EYA4: variants seen among roughly 807,000 people sequenced by gnomAD.
EYA4 encodes EYA transcriptional coactivator and phosphatase 4, also known as protein phosphatase EYA4.
EYA4 carries 31 observed loss-of-function variants against 87.9 expected under a neutral mutation model. That is an observed-to-expected ratio of 0.35 (90% CI 0.27 to 0.48). The LOEUF (loss-of-function observed/expected upper bound fraction) is 0.48. EYA4 is among the 20% of genes least tolerant of loss of function. EYA4 has a pLI of 0.99. For synonymous variants in EYA4, 263 were observed against 270.6 expected, an observed-to-expected ratio of 0.97 and a Z score of 0.28; for missense variants, 678 against 761.4, an observed-to-expected ratio of 0.89 and a Z score of 1.29.
At chr6:133,302,240 A>G (rs1779468306) in intron 2 of EYA4, among the ~76,000 whole-genome samples, 1 of 152,152 alleles carries the variant, frequency 6.6e-6, no homozygotes, top group Non-Finnish European at 1.5e-5. Context: ...TTAAATAAAT[A>G]AATAAACCAA....
At chr6:133,451,499 G>C (rs976840373) in intron 5 of EYA4, among the ~76,000 whole-genome samples, 20 of 152,144 alleles carry the variant, frequency 1.3e-4, no homozygotes, top group African/African-American at 4.8e-4. Flanking sequence ...AAAATACTTA[G>C]ATCTATTGGG....
At chr6:133,419,725 T>A (rs1417274222) in intron 3 of EYA4, among the ~76,000 whole-genome samples, 2 of 152,096 alleles carry the variant, frequency 1.3e-5, no homozygotes, top group African/African-American at 4.8e-5. Context: ...GTCTGTGCAA[T>A]TAAAAAACAG....
rs4454152 is a variant in EYA4, at chr6:133,356,793, A to G, written c.34-25599A>G. On this transcript the variant is annotated intron_variant, in intron 2 of 19. Coordinates refer to ENST00000355286, the MANE Select transcript of EYA4 (RefSeq NM_004100.5). ...TGTGTGTGTGTGTGTGTGTGTGTGT[A>G]TATATATATTTTATTTTTATTTTTT... Among the ~76,000 whole-genome samples the G allele has an allele frequency of 3.2e-3, 356 of 110,150 alleles. 1 individual carries two copies. Among genetic ancestry groups the G allele is most frequent in the South Asian group, 0.013 (46 of 3,556 alleles). The allele number at this position is 110,150 out of a possible 152,430, so 72.3% of individuals were successfully genotyped here.
chr6:133,330,476 G>A (rs547669771), intron 2 of EYA4, among the ~76,000 whole-genome samples: 2 of 150,886 alleles, frequency 1.3e-5, no homozygotes, highest in Non-Finnish European at 3.0e-5. Flanking sequence ...AACTGATTTT[G>A]TAAATCCCAT....
intron 11 of EYA4, among the ~76,000 whole-genome samples, chr6:133,478,650 G>A (rs926431621): frequency 6.6e-6 from 1 of 152,144 alleles, no homozygotes; most frequent in African/African-American, 2.4e-5. Flanking sequence ...TAAAAAGGCT[G>A]TCTTTATCCC....
chr6:133,345,570 A>G (rs928197494), intron 2 of EYA4, among the ~76,000 whole-genome samples: 1 of 152,190 alleles, frequency 6.6e-6, no homozygotes, highest in Non-Finnish European at 1.5e-5. Context: ...AAAACAGCAT[A>G]TTTAGAGAGT....
At chr6:133,356,483 TTTTG>T (rs1784042201) in intron 2 of EYA4, among the ~76,000 whole-genome samples, 1 of 152,180 alleles carries the variant, frequency 6.6e-6, no homozygotes, top group African/African-American at 2.4e-5. Flanking sequence ...TCCTAAATAT[TTTTG>T]TTTTATTTCT....
chr6:133,355,678 A>G (rs1562323222), intron 2 of EYA4, among the ~76,000 whole-genome samples: 2 of 152,160 alleles, frequency 1.3e-5, no homozygotes, highest in Admixed American at 1.3e-4. Context: ...AAGATCTCTA[A>G]AGAGATTTGT....
intron 3 of EYA4, 96 bp downstream of exon 3, chr6:133,382,537 C>G: frequency 1.1e-6 from 1 of 875,664 alleles, no homozygotes. Flanking sequence ...TGATTTGAAA[C>G]ATTGAGCTTC....
chr6:133,289,973 T>C (rs1351303399), intron 2 of EYA4, among the ~76,000 whole-genome samples: 1 of 152,224 alleles, frequency 6.6e-6, no homozygotes, highest in African/African-American at 2.4e-5. Flanking sequence ...TACTTTGCTT[T>C]GCTTTCATTA....
At chr6:133,425,438 C>G (rs1289837697) in intron 3 of EYA4, among the ~76,000 whole-genome samples, 2 of 145,666 alleles carry the variant, frequency 1.4e-5, no homozygotes, top group Non-Finnish European at 2.9e-5. Flanking sequence ...GGTCATGACA[C>G]CCCCCCAACC....
intron 2 of EYA4, among the ~76,000 whole-genome samples, chr6:133,377,575 T>A (rs932886116): frequency 2.6e-5 from 4 of 151,474 alleles, no homozygotes; most frequent in Non-Finnish European, 5.9e-5. Context: ...TTTTTTTTTT[T>A]TTTTTTTTTT....
At chr6:133,407,277 A>C (rs1206094640) in intron 3 of EYA4, among the ~76,000 whole-genome samples, 2 of 149,166 alleles carry the variant, frequency 1.3e-5, no homozygotes, top group Non-Finnish European at 3.0e-5. Context: ...TTTGGAAGGA[A>C]ACGTATTTAT....
chr6:133,479,463 T>C (rs1796020916), intron 11 of EYA4, among the ~76,000 whole-genome samples: 1 of 152,172 alleles, frequency 6.6e-6, no homozygotes, highest in South Asian at 2.1e-4. Flanking sequence ...CCAAAGAAAA[T>C]GTTAGAGGTT....
chr6:133,265,393 AT>A (rs1776137407), intron 1 of EYA4, among the ~76,000 whole-genome samples: 1 of 152,030 alleles, frequency 6.6e-6, no homozygotes. Context: ...CGGGAACTAG[AT>A]TATTGGCTCA....
At chr6:133,419,000 T>G (rs543327566) in intron 3 of EYA4, among the ~76,000 whole-genome samples, 30 of 152,322 alleles carry the variant, frequency 2.0e-4, no homozygotes, top group African/African-American at 7.2e-4. Flanking sequence ...TCTAATAATA[T>G]CCACTCATAG....
chr6:133,402,950 C>G (rs1403925102), intron 3 of EYA4, among the ~76,000 whole-genome samples: 2 of 152,170 alleles, frequency 1.3e-5, no homozygotes, highest in Admixed American at 6.5e-5. Context: ...CTCAGCCCCT[C>G]CAGCACCCAC....
chr6:133,513,036 G>C lies in EYA4; in HGVS notation c.1499G>C (p.Gly500Ala). 6.2e-7 allele frequency: 1 copy of C among 1,613,776 alleles called. No homozygotes were observed. Among genetic ancestry groups the C allele is most frequent in the Non-Finnish European group, 8.5e-7 (1 of 1,179,698 alleles). Residue 500 changes from glycine to alanine, a missense_variant and splice_region_variant, in exon 16 of 20, where the codon GGA becomes GCA. By Grantham distance (60) the Gly-to-Ala change is moderately conservative. Coordinates refer to ENST00000355286, the MANE Select transcript of EYA4 (RefSeq NM_004100.5). ...TATAACACCTACAAGAACAACGTTG[G>C]AGGTATGTGTGGCTTTTTCAATCTA... is the stretch of plus-strand genomic sequence containing the variant. ...ELYNTYKNNV[G>A]GLLGPAKRDA...
chr6:133,317,259 G>A (rs2128344346), intron 2 of EYA4, among the ~76,000 whole-genome samples: 1 of 152,274 alleles, frequency 6.6e-6, no homozygotes, highest in Middle Eastern at 3.4e-3. Context: ...ACAGGTGTGT[G>A]CAGATCTTCA....
Sources: gnomAD v4.1 joint callset for allele counts (sites outside exome capture counted in the v4.1 genomes callset) on GRCh38, gnomAD v4.1.1 for gene constraint, MANE v1.5 for transcripts, NCBI Gene and HGNC (gene_info 2026-07-23, HGNC 2026-07-21) for gene names.